MET: variants seen among roughly 807,000 people sequenced by gnomAD.
MET encodes hepatocyte growth factor receptor.
MET carries 48 observed loss-of-function variants against 133.1 expected under a neutral mutation model. The ratio of observed to expected loss-of-function variants is 0.36; its 90% confidence interval spans 0.29 to 0.46. The LOEUF (loss-of-function observed/expected upper bound fraction) is 0.46. Ranked by LOEUF, MET falls within the 20% of genes least tolerant of loss-of-function variation. The pLI is 1.00. For missense variants in MET, 1,442 were observed against 1,695.9 expected (o/e 0.85, Z 2.63); for synonymous variants, 628 against 616.5 (o/e 1.02, Z -0.28).
chr7:116,680,161 A>G lies in MET; in HGVS notation c.-15+7584A>G, dbSNP rs138083038. Among the ~76,000 whole-genome samples the G allele has an allele frequency of 2.6e-5, 4 of 152,310 alleles. No homozygotes were observed. The East Asian group carries it at 7.7e-4, about 29-fold the overall frequency. On this transcript the variant is annotated intron_variant, in intron 1 of 20. Coordinates refer to ENST00000397752, the MANE Select transcript of MET (RefSeq NM_000245.4). ...TCTTAGGTTAACCTGAAGATTTACT[A>G]AATACATTATCATTACAGCTTGTTT... is the stretch of plus-strand genomic sequence containing the variant.
Position 116,763,435 on chromosome 7 carries a change from T to C in MET, c.2583+167T>C, listed in dbSNP as rs977000663. ...TTGGCATAAAACTAAAAGATAAGAA[T>C]AACCGTGGACTGCATTTTAATGAAG... On this transcript the variant is annotated intron_variant, in intron 11 of 20. Transcript: ENST00000397752. 2.0e-5 allele frequency: 14 copies of C among 687,260 alleles called. No homozygotes were observed. In the South Asian group the frequency reaches 2.2e-4, roughly 11 times the overall value. The allele number at this position is 687,260 out of a possible 1,614,324, so 42.6% of individuals were successfully genotyped here. A position where few individuals can be genotyped will look rare whatever the true frequency, so the allele number is the denominator to read the frequency against.
intron 1 of MET, among the ~76,000 whole-genome samples, chr7:116,693,464 A>G (rs895518432): frequency 6.6e-6 from 1 of 152,214 alleles, no homozygotes; most frequent in African/African-American, 2.4e-5. Flanking sequence ...TTTTCAAATA[A>G]GAAAGCAGTT....
chr7:116,745,151 C>A (rs1386475587), intron 5 of MET, among the ~76,000 whole-genome samples: 35 of 151,986 alleles, frequency 2.3e-4, no homozygotes, highest in Admixed American at 2.2e-3. Flanking sequence ...AAACAGAGAG[C>A]CAAATCATGA....
In MET at chr7:116,740,959, T is replaced by C. The variant is rs1465559829; in HGVS notation, c.1635T>C (p.Cys545=). 2 of 1,613,956 alleles carry C rather than the reference T, an allele frequency of 1.2e-6. No individual in the cohort carries two copies. Among genetic ancestry groups the C allele is most frequent in the Non-Finnish European group, 1.7e-6 (2 of 1,180,014 alleles). The change falls in exon 5 of 21, where the codon TGT becomes TGC. Residue 545 remains cysteine (C), a synonymous_variant. Transcript: ENST00000397752. ...AGTGTGGCTGGTGCCACGACAAATG[T>C]GTGCGATCGGAGGAATGCCTGAGCG... The part of the protein sequence containing the change: ...FVQCGWCHDK[C]VRSEECLSGT...
At position 116,796,693 on chromosome 7, in the gene MET, T is replaced by G. The variant is rs1795690049; in HGVS notation, c.*569T>G. The G allele has an allele frequency of 4.4e-6, 1 of 228,398 alleles. No homozygotes were observed. The highest frequency in any genetic ancestry group is 2.3e-5 in the African/African-American group (1 of 44,096). 14.1% of individuals were successfully genotyped at this position (228,398 alleles called of 1,614,324 possible). A position where few individuals can be genotyped will look rare whatever the true frequency, so the allele number is the denominator to read the frequency against. The stretch of plus-strand genomic sequence containing the variant: ...CTCTGTTGCCAGGGCTGTAGTGCAG[T>G]GGTGTGATCATAGCTCACTGCAACC... On this transcript the variant is annotated 3_prime_UTR_variant, in exon 21 of 21. Coordinates refer to ENST00000397752, the MANE Select transcript of MET (RefSeq NM_000245.4).
intron 14 of MET, among the ~76,000 whole-genome samples, chr7:116,772,556 A>G (rs1253302545): frequency 6.6e-6 from 1 of 152,198 alleles, no homozygotes; most frequent in East Asian, 1.9e-4. Context: ...CACTATGCCT[A>G]GTAATGTTCA....
At chr7:116,683,693 A>G (rs76525083) in intron 1 of MET, among the ~76,000 whole-genome samples, 9 of 152,304 alleles carry the variant, frequency 5.9e-5, no homozygotes, top group Non-Finnish European at 1.3e-4. Flanking sequence ...TCTAATCACC[A>G]GTGCCCTCCT....
intron 11 of MET, among the ~76,000 whole-genome samples, chr7:116,767,974 ATGTGTGTGTGTGTGTG>A (rs36013546): frequency 7.1e-6 from 1 of 140,198 alleles, no homozygotes; most frequent in Non-Finnish European, 1.5e-5. Context: ...ATATATATAT[ATGTGTGTGTGTGTGTG>A]TGTGTGTGTG....
At chr7:116,683,221 C>A (rs1484728338) in intron 1 of MET, among the ~76,000 whole-genome samples, 1 of 152,180 alleles carries the variant, frequency 6.6e-6, no homozygotes, top group Admixed American at 6.5e-5. Context: ...CCTCTGCCCC[C>A]TCAAGTAGAC....
At chr7:116,680,770 C>A (rs1376678961) in intron 1 of MET, among the ~76,000 whole-genome samples, 2 of 151,894 alleles carry the variant, frequency 1.3e-5, no homozygotes, top group East Asian at 3.9e-4. Flanking sequence ...AGCAAAACCC[C>A]CCTCTTAAAA....
At chr7:116,732,928 C>A (rs1020525889) in intron 3 of MET, among the ~76,000 whole-genome samples, 1 of 152,082 alleles carries the variant, frequency 6.6e-6, no homozygotes, top group Non-Finnish European at 1.5e-5. Context: ...GTAAATAAAA[C>A]CTTCCTAGCT....
At position 116,699,188 on chromosome 7, in the gene MET, T is replaced by C. The variant is rs1584875799; in HGVS notation, c.104T>C (p.Met35Thr). The C allele has an allele frequency of 2.5e-6, 4 of 1,613,952 alleles. No homozygotes were observed. The highest frequency in any genetic ancestry group is 3.4e-6 in the Non-Finnish European group (4 of 1,179,906). The change falls in exon 2 of 21, where the codon ATG (methionine) becomes ACG (threonine). Residue 35 changes from methionine (M) to threonine (T), a missense_variant. Transcript: ENST00000397752. ...AAAGAGGCACTAGCAAAGTCCGAGA[T>C]GAATGTGAATATGAAGTATCAGCTT... ...ECKEALAKSE[M>T]NVNMKYQLPN...
At chr7:116,749,984 A>G (rs1000499252) in intron 5 of MET, among the ~76,000 whole-genome samples, 3 of 152,234 alleles carry the variant, frequency 2.0e-5, no homozygotes, top group African/African-American at 7.2e-5. Context: ...AAGACTCAAT[A>G]TTGTGAAAAT....
chr7:116,779,471 G>A (rs908541205), intron 17 of MET, among the ~76,000 whole-genome samples: 4 of 152,244 alleles, frequency 2.6e-5, no homozygotes, highest in East Asian at 1.9e-4. Context: ...GCTTTTGGCC[G>A]TAATGCCATC....
At chr7:116,727,308 G>C (rs924421404) in intron 2 of MET, among the ~76,000 whole-genome samples, 1 of 152,182 alleles carries the variant, frequency 6.6e-6, no homozygotes, top group Admixed American at 6.5e-5. Flanking sequence ...GTTCTCTGAT[G>C]CCTGCTCCAA....
chr7:116,692,967 C>G (rs1796826344), intron 1 of MET, among the ~76,000 whole-genome samples: 1 of 152,096 alleles, frequency 6.6e-6, no homozygotes, highest in African/African-American at 2.4e-5. Flanking sequence ...AGTGAAAAGA[C>G]AGTCTATATT....
chr7:116,773,609 G>C (rs1261381978), intron 14 of MET, among the ~76,000 whole-genome samples: 1 of 152,148 alleles, frequency 6.6e-6, no homozygotes, highest in Non-Finnish European at 1.5e-5. Flanking sequence ...TGACTCCTTG[G>C]AATTAAGGGA....
In MET at chr7:116,699,887, C is replaced by T. The variant is rs757427533; in HGVS notation, c.803C>T (p.Thr268Ile). The T allele has an allele frequency of 1.6e-5, 26 of 1,614,004 alleles. No individual in the cohort carries two copies. The highest frequency in any genetic ancestry group is 1.1e-4 in the African/African-American group (8 of 74,918). The change falls in exon 2 of 21, where the codon ACT (threonine) becomes ATT (isoleucine). Residue 268 changes from threonine to isoleucine, a missense_variant. Coordinates refer to ENST00000397752, the MANE Select transcript of MET (RefSeq NM_000245.4). ...TACTTCTTGACGGTCCAAAGGGAAACTCTAGATGCTCAGACTTTTCACACA... is the reference window on the plus strand; with the variant it reads ...TACTTCTTGACGGTCCAAAGGGAAATTCTAGATGCTCAGACTTTTCACACA... ...FIYFLTVQRE[T>I]LDAQTFHTRI...
intron 19 of MET, among the ~76,000 whole-genome samples, chr7:116,789,928 G>C (rs1410664971): frequency 1.3e-5 from 2 of 152,058 alleles, no homozygotes; most frequent in Admixed American, 6.6e-5. Context: ...TATTAAGCTC[G>C]GCATGCATTA....
Sources: allele counts gnomAD v4.1 joint callset (sites outside exome capture counted in the v4.1 genomes callset), GRCh38; gene constraint gnomAD v4.1.1; transcripts MANE v1.5; gene names NCBI Gene and HGNC (gene_info 2026-07-23, HGNC 2026-07-21).